MYO9A: variants seen among roughly 807,000 people sequenced by gnomAD.
The protein encoded by MYO9A is unconventional myosin-IXa.
MYO9A carries 103 observed loss-of-function variants against 293.3 expected under a neutral mutation model. That is an observed-to-expected ratio of 0.35 (90% confidence interval 0.30 to 0.41). The LOEUF (loss-of-function observed/expected upper bound fraction) is 0.41. Among genes scored for constraint, MYO9A ranks in the 10% least tolerant of loss-of-function variants. MYO9A has a pLI of 1.00. For missense variants in MYO9A, 2,685 were observed against 3,033.0 expected (o/e 0.89, Z 2.69); for synonymous variants, 1,001 against 1,035.7 (o/e 0.97, Z 0.64).
rs567882334 is a variant in MYO9A, at chr15:72,098,275, T to TA, written c.-72+19404dup. ...CCACTGACCATGCCCTGACAACAGT[T>TA]AAAGTTTCATGGAAAAACCCACATG... On this transcript the variant is annotated intron_variant, in intron 1 of 41. Transcript: ENST00000356056. 4.6e-4 allele frequency among the ~76,000 whole-genome samples: 70 copies of TA among 151,786 alleles called. 1 individual carries two copies. The East Asian group carries it at 0.011, about 24-fold the overall frequency.
chr15:71,876,195 G>C (rs1219404481), intron 31 of MYO9A, among the ~76,000 whole-genome samples: 1 of 150,600 alleles, frequency 6.6e-6, no homozygotes, highest in African/African-American at 2.4e-5. Flanking sequence ...GCCCAGGTTG[G>C]AGTGCAATTG....
intron 18 of MYO9A, among the ~76,000 whole-genome samples, chr15:71,918,914 T>G (rs963443376): frequency 2.6e-5 from 4 of 152,208 alleles, no homozygotes; most frequent in African/African-American, 9.7e-5. Context: ...TCATTCCAAT[T>G]TTTTTCATTT....
chr15:72,108,156 C>T (rs890470528), intron 1 of MYO9A, among the ~76,000 whole-genome samples: 7 of 152,076 alleles, frequency 4.6e-5, no homozygotes, highest in African/African-American at 1.7e-4. Flanking sequence ...AAGTATCAGT[C>T]CCACAGATTA....
chr15:71,957,431 T>C (rs1156949958), intron 14 of MYO9A, among the ~76,000 whole-genome samples: 2 of 152,194 alleles, frequency 1.3e-5, no homozygotes, highest in East Asian at 3.8e-4. Flanking sequence ...AAAACCCTTA[T>C]TCTTAATTGC....
chr15:72,005,442 A>G lies in MYO9A; in HGVS notation c.1380+2384T>C, dbSNP rs561556573. Reference sequence around the variant, plus strand: ...ACTGCCTAGACTTATAAGTAAGACCATTAGCCACAATGCCCTGTCACAATA... The same window carrying G: ...ACTGCCTAGACTTATAAGTAAGACCGTTAGCCACAATGCCCTGTCACAATA... On this transcript the variant is annotated intron_variant, in intron 8 of 41. Coordinates refer to ENST00000356056, the MANE Select transcript of MYO9A (RefSeq NM_006901.4). Among the ~76,000 whole-genome samples, 3 of 152,338 alleles carry G rather than the reference A, an allele frequency of 2.0e-5. No individual in the cohort carries two copies. The South Asian group carries it at 6.2e-4, about 32-fold the overall frequency.
chr15:72,015,009 A>C (rs2077289802), intron 6 of MYO9A, among the ~76,000 whole-genome samples: 1 of 109,682 alleles, frequency 9.1e-6, no homozygotes, highest in Admixed American at 1.0e-4. Flanking sequence ...ACGCCCTGCT[A>C]ATTTTTTTTT....
At chr15:71,973,505 T>C (rs375812567) in intron 12 of MYO9A, among the ~76,000 whole-genome samples, 120 of 152,236 alleles carry the variant, frequency 7.9e-4, no homozygotes, top group African/African-American at 2.7e-3. Context: ...CAGACATCTA[T>C]ACATGATTGA....
At chr15:72,034,064 C>G (rs148978589) in intron 2 of MYO9A, among the ~76,000 whole-genome samples, 1 of 152,150 alleles carries the variant, frequency 6.6e-6, no homozygotes, top group Non-Finnish European at 1.5e-5. Context: ...CACGGACGCA[C>G]GCACACATAC....
intron 7 of MYO9A, among the ~76,000 whole-genome samples, 186 bp downstream of exon 7, chr15:72,010,164 C>T (rs2077131894): frequency 6.6e-6 from 1 of 152,114 alleles, no homozygotes. Flanking sequence ...ACAGTGTCAG[C>T]TTTCATCAGA....
chr15:71,872,902 A>C (rs2056561512), intron 32 of MYO9A, among the ~76,000 whole-genome samples: 1 of 151,660 alleles, frequency 6.6e-6, no homozygotes, highest in South Asian at 2.1e-4. Flanking sequence ...TACAGTGTTT[A>C]GCCCTTGTAC....
chr15:72,047,080 A>G (rs76992370), intron 1 of MYO9A, among the ~76,000 whole-genome samples: 2,536 of 152,312 alleles, frequency 0.017, 44 homozygotes, highest in Non-Finnish European at 0.025. Flanking sequence ...AATGGAGCAA[A>G]AATTTTGTAA....
intron 34 of MYO9A, among the ~76,000 whole-genome samples, chr15:71,858,223 G>T (rs1395163882): frequency 6.6e-6 from 1 of 152,166 alleles, no homozygotes; most frequent in African/African-American, 2.4e-5. Flanking sequence ...TCTACAACTA[G>T]AAATACCATT....
chr15:71,911,659 G>C (rs536808264), intron 19 of MYO9A, among the ~76,000 whole-genome samples: 1 of 152,298 alleles, frequency 6.6e-6, no homozygotes, highest in East Asian at 1.9e-4. Flanking sequence ...ACTAAGTAGA[G>C]ACATAGTGCT....
At chr15:71,952,492 G>T (rs953774227) in intron 14 of MYO9A, among the ~76,000 whole-genome samples, 5 of 152,154 alleles carry the variant, frequency 3.3e-5, no homozygotes, top group Non-Finnish European at 5.9e-5. Flanking sequence ...AGGAAAATAG[G>T]ATAGAAATCA....
At chr15:71,901,632 C>T (rs545589199) in intron 22 of MYO9A, among the ~76,000 whole-genome samples, 8 of 147,224 alleles carry the variant, frequency 5.4e-5, no homozygotes, top group Non-Finnish European at 7.4e-5. Flanking sequence ...TCCAGTTCTA[C>T]GGCAAAATAG....
intron 11 of MYO9A, among the ~76,000 whole-genome samples, chr15:71,981,071 A>G (rs2076258956): frequency 6.6e-6 from 1 of 152,146 alleles, no homozygotes; most frequent in African/African-American, 2.4e-5. Context: ...TTTTCTCCTT[A>G]TTTATTAACA....
At chr15:71,956,860 A>AAATATATAT (rs2059213904) in intron 14 of MYO9A, among the ~76,000 whole-genome samples, 1 of 140,346 alleles carries the variant, frequency 7.1e-6, no homozygotes, top group African/African-American at 2.7e-5. Flanking sequence ...CACACACACA[A>AAATATATAT]ATATATATAT....
chr15:71,919,156 C>T (rs985001191), intron 18 of MYO9A, among the ~76,000 whole-genome samples: 20 of 152,096 alleles, frequency 1.3e-4, no homozygotes, highest in African/African-American at 4.8e-4. Flanking sequence ...TAAAAAATAA[C>T]CTCCTGCAGT....
At chr15:71,953,555 C>A (rs2059106827) in intron 14 of MYO9A, 1 of 151,014 alleles carries the variant, frequency 6.6e-6, no homozygotes, top group African/African-American at 2.4e-5. Context: ...ATTACTACAA[C>A]CACCAAACTA....
Sources: gnomAD v4.1 joint callset for allele counts (sites outside exome capture counted in the v4.1 genomes callset) on GRCh38, gnomAD v4.1.1 for gene constraint, MANE v1.5 for transcripts, NCBI Gene and HGNC (gene_info 2026-07-23, HGNC 2026-07-21) for gene names.